FAM167A: variants seen among roughly 807,000 people sequenced by gnomAD.
FAM167A encodes family with sequence similarity 167 member A, also known as protein FAM167A.
FAM167A carries 23 observed loss-of-function variants against 14.9 expected under a neutral mutation model. That is an observed-to-expected ratio of 1.55 (90% confidence interval 1.11 to 2.19). The LOEUF (loss-of-function observed/expected upper bound fraction) is 2.19. Among genes scored for constraint, FAM167A ranks in the 30% most tolerant of loss-of-function variants. The pLI is 0.00. For missense variants in FAM167A, 401 were observed against 281.5 expected, an observed-to-expected ratio of 1.42 and a Z score of -3.04; for synonymous variants, 174 against 117.7, an observed-to-expected ratio of 1.48 and a Z score of -3.10.
At chr8:11,433,216 A>AAAAT (rs1805741005) in intron 2 of FAM167A, among the ~76,000 whole-genome samples, 2 of 152,088 alleles carry the variant, frequency 1.3e-5, no homozygotes, top group African/African-American at 4.8e-5. Context: ...AAAAAAAATA[A>AAAAT]AAAATAAAAA....
At chr8:11,473,676 C>T (rs558511319) in intron 1 of FAM167A, among the ~76,000 whole-genome samples, 9 of 152,280 alleles carry the variant, frequency 5.9e-5, no homozygotes, top group African/African-American at 1.9e-4. Context: ...CCCTTGCTGT[C>T]AGGCTGCTTT....
At chr8:11,439,092 G>A (rs1039863885) in intron 2 of FAM167A, among the ~76,000 whole-genome samples, 10 of 152,250 alleles carry the variant, frequency 6.6e-5, no homozygotes, top group East Asian at 1.9e-4. Flanking sequence ...AGAACCAAGT[G>A]ATGTGTGTCT....
At position 11,421,701 on chromosome 8, in the gene FAM167A, C is replaced by G. The variant is rs1429317828; in HGVS notation, c.*2672G>C. On this transcript the variant is annotated 3_prime_UTR_variant, in exon 3 of 3. Coordinates refer to ENST00000284486, the MANE Select transcript of FAM167A (RefSeq NM_053279.3). ...ATAGCTACTGAGCCCCTGAAGGCATCAAGACATGACCACGCATGGCAGTGT... is the reference window on the plus strand; with the variant it reads ...ATAGCTACTGAGCCCCTGAAGGCATGAAGACATGACCACGCATGGCAGTGT... 1 of 398,876 alleles carries G rather than the reference C, an allele frequency of 2.5e-6. No individual in the cohort carries two copies. Among genetic ancestry groups the G allele is most frequent in the Non-Finnish European group, 4.4e-6 (1 of 226,078 alleles). 24.7% of individuals were successfully genotyped at this position (398,876 alleles called of 1,614,324 possible). A position where few individuals can be genotyped will look rare whatever the true frequency, so the allele number is the denominator to read the frequency against.
intron 1 of FAM167A, among the ~76,000 whole-genome samples, chr8:11,473,131 C>G (rs879657551): frequency 1.3e-5 from 2 of 152,204 alleles, no homozygotes; most frequent in Admixed American, 1.3e-4. Context: ...GAAGCCAGGA[C>G]AGGGAAGCCC....
intron 2 of FAM167A, among the ~76,000 whole-genome samples, chr8:11,434,549 G>A (rs376624627): frequency 1.3e-5 from 2 of 152,162 alleles, no homozygotes; most frequent in African/African-American, 4.8e-5. Flanking sequence ...GAGGCTCTTC[G>A]GGCCCTGCCG....
chr8:11,463,242 T>C (rs76664367), intron 1 of FAM167A, among the ~76,000 whole-genome samples: 4,794 of 152,196 alleles, frequency 0.031, 235 homozygotes, highest in African/African-American at 0.11. Context: ...ACAACCAAAT[T>C]TGGGAAGTGC....
intron 2 of FAM167A, among the ~76,000 whole-genome samples, chr8:11,429,969 G>C (rs535872889): frequency 1.3e-5 from 2 of 152,328 alleles, no homozygotes; most frequent in East Asian, 3.9e-4. Context: ...CATCACTTAA[G>C]TCCTTTCTCT....
chr8:11,437,290 C>T (rs1339502086), intron 2 of FAM167A, among the ~76,000 whole-genome samples: 4 of 152,136 alleles, frequency 2.6e-5, no homozygotes, highest in East Asian at 1.9e-4. Context: ...CGTGCCTACC[C>T]GGAAAGATTG....
chr8:11,453,831 A>T (rs2409779), intron 1 of FAM167A, among the ~76,000 whole-genome samples: 48,462 of 151,690 alleles, frequency 0.32, 8,474 homozygotes, highest in Middle Eastern at 0.47. Flanking sequence ...GCAGCACATA[A>T]ACACTGCAGG....
chr8:11,443,360 G>C (rs1806553971), intron 2 of FAM167A, among the ~76,000 whole-genome samples: 1 of 152,200 alleles, frequency 6.6e-6, no homozygotes, highest in African/African-American at 2.4e-5. Context: ...TGCGGTCCCA[G>C]CTCAAACACA....
intron 2 of FAM167A, among the ~76,000 whole-genome samples, chr8:11,426,418 C>CGAGG (rs1805151613): frequency 7.9e-5 from 12 of 152,280 alleles, no homozygotes; most frequent in Admixed American, 7.8e-4. Flanking sequence ...GAATAAACCT[C>CGAGG]TTTAAGTATT....
chr8:11,463,639 C>T (rs1254203732), intron 1 of FAM167A, among the ~76,000 whole-genome samples: 1 of 152,202 alleles, frequency 6.6e-6, no homozygotes, highest in African/African-American at 2.4e-5. Flanking sequence ...CTAGGGATGC[C>T]CAAGGGACAA....
At chr8:11,433,017 T>G (rs1452668342) in intron 2 of FAM167A, among the ~76,000 whole-genome samples, 2 of 152,020 alleles carry the variant, frequency 1.3e-5, no homozygotes, top group Admixed American at 6.6e-5. Context: ...TGAACAATGA[T>G]AACACGTGGA....
chr8:11,472,525 C>T (rs1256960606), upstream of FAM167A, among the ~76,000 whole-genome samples: 6 of 149,160 alleles, frequency 4.0e-5, no homozygotes, highest in South Asian at 2.2e-4. Flanking sequence ...CTGCAACCTC[C>T]GTCTCCTGGG....
chr8:11,462,550 C>T (rs180939764), intron 1 of FAM167A, among the ~76,000 whole-genome samples: 1 of 151,474 alleles, frequency 6.6e-6, no homozygotes, highest in East Asian at 1.9e-4. Flanking sequence ...TGCAGAACAG[C>T]ATTTTACTGT....
intron 1 of FAM167A, among the ~76,000 whole-genome samples, chr8:11,466,378 G>A (rs1218434924): frequency 6.6e-6 from 1 of 152,244 alleles, no homozygotes; most frequent in Non-Finnish European, 1.5e-5. Flanking sequence ...AGGGAGCTAG[G>A]AGATGAAGTC....
intron 2 of FAM167A, 151 bp downstream of exon 2, chr8:11,443,880 A>G: frequency 9.7e-7 from 1 of 1,029,514 alleles, no homozygotes; most frequent in Non-Finnish European, 1.4e-6. Context: ...CCTTCAACTC[A>G]CGGGAAGATT....
At chr8:11,473,079 G>T (rs1449484025) in intron 1 of FAM167A, among the ~76,000 whole-genome samples, 2 of 152,238 alleles carry the variant, frequency 1.3e-5, no homozygotes, top group African/African-American at 4.8e-5. Context: ...CCCTTGACCT[G>T]CAGGCAAGAC....
chr8:11,463,255 T>C (rs1025285683), intron 1 of FAM167A, among the ~76,000 whole-genome samples: 23 of 152,310 alleles, frequency 1.5e-4, no homozygotes, highest in Admixed American at 1.0e-3. Context: ...GGAAGTGCCT[T>C]TGTGACTGGA....
Sources: gnomAD v4.1 joint callset for allele counts (sites outside exome capture counted in the v4.1 genomes callset) on GRCh38, gnomAD v4.1.1 for gene constraint, MANE v1.5 for transcripts, NCBI Gene and HGNC (gene_info 2026-07-23, HGNC 2026-07-21) for gene names.